HTATIP2: variants seen among roughly 807,000 people sequenced by gnomAD.
HTATIP2 encodes protein HTATIP2.
HTATIP2 carries 26 observed loss-of-function variants against 24.7 expected under a neutral mutation model. That is an observed-to-expected ratio of 1.05 (90% CI 0.77 to 1.46). The LOEUF (loss-of-function observed/expected upper bound fraction) is 1.46. HTATIP2 is among the 40% of genes most tolerant of loss of function. The probability of loss-of-function intolerance (pLI) is 0.00; values close to 1 mark genes in which losing one functional copy is unlikely to be tolerated. For synonymous variants in HTATIP2, 99 were observed against 113.2 expected (o/e 0.87, Z 0.79); for missense variants, 284 against 289.6 (o/e 0.98, Z 0.14).
At chr11:20,365,986 A>G (rs991784375) in intron 1 of HTATIP2, among the ~76,000 whole-genome samples, 4 of 151,266 alleles carry the variant, frequency 2.6e-5, no homozygotes, top group Admixed American at 2.0e-4. Flanking sequence ...AAAAAAAAAA[A>G]AAAGAAAAGA....
At chr11:20,378,484 GAC>G (rs1848475758) in intron 3 of HTATIP2, among the ~76,000 whole-genome samples, 2 of 152,068 alleles carry the variant, frequency 1.3e-5, no homozygotes, top group South Asian at 4.2e-4. Flanking sequence ...TTAAAACACT[GAC>G]ACATGTGGGT....
chr11:20,363,918 C>G lies in HTATIP2; in HGVS notation c.-320C>G. On this transcript the variant is annotated 5_prime_UTR_variant, in exon 1 of 5. Transcript: ENST00000451739. ...GGGCCGGGGGCTGGCCCCAGGTAAC[C>G]CCTCCGCGTATGGGACCGAGCTGGG... 2 of 1,242,642 alleles carry G rather than the reference C, an allele frequency of 1.6e-6. No individual in the cohort carries two copies. Among genetic ancestry groups the G allele is most frequent in the Non-Finnish European group, 2.0e-6 (2 of 989,740 alleles). The allele number at this position is 1,242,642 out of a possible 1,614,324, so 77.0% of individuals were successfully genotyped here.
chr11:20,380,945 C>T (rs1198500729), intron 3 of HTATIP2, among the ~76,000 whole-genome samples: 4 of 152,090 alleles, frequency 2.6e-5, no homozygotes, highest in African/African-American at 7.2e-5. Flanking sequence ...TATATGATTT[C>T]ATTTATATGA....
chr11:20,376,627 G>A lies in HTATIP2; in HGVS notation c.351G>A (p.Glu117=). Reference sequence around the variant, plus strand: ...GAGATTATGTGCTGAAGTCTGCAGAGCTGGCAAAAGCTGGAGGGTGCAAAC... The same window carrying A: ...GAGATTATGTGCTGAAGTCTGCAGAACTGGCAAAAGCTGGAGGGTGCAAAC... ...VDRDYVLKSA[E]LAKAGGCKHF... is the part of the protein sequence containing the mutation. The change falls in exon 3 of 5, where the codon GAG becomes GAA. Residue 117 remains glutamate (E), a synonymous_variant. Coordinates refer to ENST00000451739, the MANE Select transcript of HTATIP2 (RefSeq NM_001098522.2). 1.2e-6 allele frequency: 2 copies of A among 1,614,054 alleles called. No homozygotes were observed. The highest frequency in any genetic ancestry group is 1.7e-6 in the Non-Finnish European group (2 of 1,179,942).
intron 3 of HTATIP2, among the ~76,000 whole-genome samples, chr11:20,380,621 G>C (rs1205350725): frequency 7.1e-6 from 1 of 141,358 alleles, no homozygotes; most frequent in Non-Finnish European, 1.5e-5. Flanking sequence ...GCAGTGAGCT[G>C]AGATTGCGCC....
At chr11:20,381,160 C>G (rs1416640436) in intron 3 of HTATIP2, among the ~76,000 whole-genome samples, 1 of 151,554 alleles carries the variant, frequency 6.6e-6, no homozygotes, top group Admixed American at 6.6e-5. Context: ...AAAGAATGGC[C>G]AAGCGCGGTG....
intron 1 of HTATIP2, among the ~76,000 whole-genome samples, chr11:20,365,115 CTG>C (rs1250995921): frequency 4.6e-5 from 7 of 151,728 alleles, no homozygotes; most frequent in Non-Finnish European, 1.0e-4. Flanking sequence ...TCCCGAGTAA[CTG>C]GAACTACAGG....
At position 20,383,099 on chromosome 11, in the gene HTATIP2, G is replaced by C. The variant is rs1397983120; in HGVS notation, c.623G>C (p.Arg208Thr). ...TCTGTGCCTGTGGTGACCGTGGTTA[G>C]AGCAATGCTGAACAATGTGGTGAGA... ...GHSVPVVTVV[R>T]AMLNNVVRPR... Residue 208 changes from arginine (R) to threonine (T), a missense_variant, in exon 5 of 5, where the codon AGA becomes ACA. Coordinates refer to ENST00000451739, the MANE Select transcript of HTATIP2 (RefSeq NM_001098522.2). 1.2e-6 allele frequency: 2 copies of C among 1,614,018 alleles called. No homozygotes were observed. The highest frequency in any genetic ancestry group is 1.7e-6 in the Non-Finnish European group (2 of 1,180,020).
At chr11:20,372,186 C>T (rs1052938637) in intron 2 of HTATIP2, among the ~76,000 whole-genome samples, 1 of 152,168 alleles carries the variant, frequency 6.6e-6, no homozygotes, top group Non-Finnish European at 1.5e-5. Context: ...TGGGATCAAG[C>T]GATCTTCCTG....
chr11:20,373,527 CTTA>C (rs1200968125), intron 2 of HTATIP2, among the ~76,000 whole-genome samples: 1 of 152,066 alleles, frequency 6.6e-6, no homozygotes, highest in Non-Finnish European at 1.5e-5. Flanking sequence ...GAATCTTTCC[CTTA>C]TTTTTAAAGA....
chr11:20,380,671 C>CAAAAAAA (rs35392320), intron 3 of HTATIP2, among the ~76,000 whole-genome samples: 7 of 81,850 alleles, frequency 8.6e-5, no homozygotes, highest in African/African-American at 1.4e-4. Flanking sequence ...GACTCCATCT[C>CAAAAAAA]AAAAAAAAAA....
At chr11:20,367,446 G>C (rs1037905416) in intron 2 of HTATIP2, 165 bp downstream of exon 2, 1 of 1,491,616 alleles carries the variant, frequency 6.7e-7, no homozygotes, top group African/African-American at 1.4e-5. Flanking sequence ...CCTTTTAATA[G>C]TACTGATAAG....
chr11:20,383,295 A>C lies in HTATIP2; in HGVS notation c.*90A>C, dbSNP rs948095544. On this transcript the variant is annotated 3_prime_UTR_variant, in exon 5 of 5. Coordinates refer to ENST00000451739, the MANE Select transcript of HTATIP2 (RefSeq NM_001098522.2). ...GTCTAAAAAAAGTCAGCATGTTTTA[A>C]CTTTGTTGTTTTACTATCCTCAGGC... 7.7e-5 allele frequency: 74 copies of C among 965,384 alleles called. 1 individual carries two copies. In the South Asian group the frequency reaches 9.3e-4, roughly 12 times the overall value. 59.8% of individuals were successfully genotyped at this position (965,384 alleles called of 1,614,324 possible).
At chr11:20,380,896 A>G (rs1848510168) in intron 3 of HTATIP2, among the ~76,000 whole-genome samples, 1 of 152,206 alleles carries the variant, frequency 6.6e-6, no homozygotes, top group Non-Finnish European at 1.5e-5. Context: ...TGAAAATATT[A>G]TGCTAAGTGT....
At chr11:20,380,279 G>A (rs1354557632) in intron 3 of HTATIP2, among the ~76,000 whole-genome samples, 1 of 152,184 alleles carries the variant, frequency 6.6e-6, no homozygotes, top group Non-Finnish European at 1.5e-5. Flanking sequence ...CAAGCCAGGG[G>A]CCAAACTTGT....
chr11:20,365,575 C>T (rs891872972), intron 1 of HTATIP2, among the ~76,000 whole-genome samples: 1 of 152,190 alleles, frequency 6.6e-6, no homozygotes. Context: ...TGCCTTTGGT[C>T]CATCAAGTCT....
intron 2 of HTATIP2, among the ~76,000 whole-genome samples, chr11:20,369,744 T>C (rs1365494762): frequency 6.6e-6 from 1 of 152,206 alleles, no homozygotes; most frequent in African/African-American, 2.4e-5. Context: ...TTTAGTATGA[T>C]CTCAACTAAT....
intron 3 of HTATIP2, among the ~76,000 whole-genome samples, 167 bp from the exon 4 acceptor site, chr11:20,382,011 T>C (rs1848527912): frequency 6.6e-6 from 1 of 152,238 alleles, no homozygotes; most frequent in African/African-American, 2.4e-5. Context: ...AATGATCTCT[T>C]CCTTAATTTC....
intron 3 of HTATIP2, 67 bp from the exon 4 acceptor site, chr11:20,382,109 TTC>T (rs752882291): frequency 4.2e-5 from 39 of 925,746 alleles, no homozygotes; most frequent in Non-Finnish European, 6.3e-5. Context: ...CCACAAATTA[TTC>T]TCTCTTAAAC....
Sources: allele counts gnomAD v4.1 joint callset (sites outside exome capture counted in the v4.1 genomes callset), GRCh38; gene constraint gnomAD v4.1.1; transcripts MANE v1.5; gene names NCBI Gene and HGNC (gene_info 2026-07-23, HGNC 2026-07-21).